HAL: variants seen among roughly 807,000 people sequenced by gnomAD.
HAL encodes the protein histidine ammonia-lyase, also known as histidase.
In HAL, 85 loss-of-function variants were observed where a neutral mutation model predicts 81.1. The observed-to-expected ratio is 1.05, with a 90% confidence interval of 0.88 to 1.25. The LOEUF (loss-of-function observed/expected upper bound fraction) is 1.25, where lower values mean the gene tolerates loss of function less well. Among genes scored for constraint, HAL ranks in the 50% most tolerant of loss-of-function variants. The pLI is 0.00. For missense variants in HAL, 798 were observed against 836.6 expected (o/e 0.95, Z 0.57); for synonymous variants, 301 against 309.2 (o/e 0.97, Z 0.28).
chr12:95,980,493 G>A, intron 17 of HAL, 63 bp downstream of exon 17: 1 of 1,480,724 alleles, frequency 6.8e-7, no homozygotes, highest in South Asian at 1.1e-5. Flanking sequence ...GATACTTCTA[G>A]GTGAAATGGA....
intron 20 of HAL, among the ~76,000 whole-genome samples, chr12:95,975,347 CTTT>C (rs35532808): frequency 7.0e-6 from 1 of 141,988 alleles, no homozygotes; most frequent in Non-Finnish European, 1.5e-5. Context: ...CCTCTTTTTT[CTTT>C]TTTTTTTTTT....
intron 17 of HAL, among the ~76,000 whole-genome samples, chr12:95,978,958 G>A (rs919860440): frequency 1.8e-4 from 27 of 152,174 alleles, no homozygotes; most frequent in African/African-American, 6.5e-4. Flanking sequence ...GGTCATGTTG[G>A]TTGGCCAAGG....
At chr12:95,985,418 A>AC (rs1164842395) in intron 14 of HAL, among the ~76,000 whole-genome samples, 8 of 152,018 alleles carry the variant, frequency 5.3e-5, no homozygotes, top group African/African-American at 1.5e-4. Flanking sequence ...ACATGGTGAG[A>AC]CCCCATCTCT....
chr12:95,984,524 G>C (rs7136523), intron 14 of HAL, among the ~76,000 whole-genome samples: 3,604 of 152,298 alleles, frequency 0.024, 133 homozygotes, highest in African/African-American at 0.081. Flanking sequence ...AGGCAGCTAC[G>C]CTGTACAAAC....
At position 95,993,989 on chromosome 12, in the gene HAL, T is replaced by C. The variant is rs200116994; in HGVS notation, c.421A>G (p.Thr141Ala). 23 of 1,611,672 alleles carry C rather than the reference T, an allele frequency of 1.4e-5. No individual in the cohort carries two copies. The East Asian group carries it at 3.8e-4, about 27-fold the overall frequency. Residue 141 changes from threonine to alanine, a missense_variant, in exon 6 of 21, where the codon ACA becomes GCA. Transcript: ENST00000261208. ...KGRYKIKLTP[T>A]AEKRVQKSRE... ...GATTTCTGCACCCTCTTCTCAGCTGTTGGGGTGAGCTAGGAAAATGTTGAT... is the reference window on the plus strand; with the variant it reads ...GATTTCTGCACCCTCTTCTCAGCTGCTGGGGTGAGCTAGGAAAATGTTGAT...
At chr12:95,982,281 T>C (rs368937533) in intron 15 of HAL, among the ~76,000 whole-genome samples, 3 of 152,356 alleles carry the variant, frequency 2.0e-5, no homozygotes, top group East Asian at 3.9e-4. Context: ...TATTAGCCTA[T>C]TGGAAATTTA....
intron 10 of HAL, among the ~76,000 whole-genome samples, chr12:95,988,447 A>G (rs1949923787): frequency 6.6e-6 from 1 of 152,114 alleles, no homozygotes; most frequent in Non-Finnish European, 1.5e-5. Context: ...CTTTCAATTA[A>G]TTTTTGTACT....
At chr12:95,994,688 C>A in intron 4 of HAL, 110 bp downstream of exon 4, 1 of 1,106,066 alleles carries the variant, frequency 9.0e-7, no homozygotes, top group East Asian at 2.3e-5. Flanking sequence ...CTGCTCCCGG[C>A]CAGCCCTGTT....
chr12:95,993,388 C>T (rs1949995118), intron 8 of HAL, 63 bp downstream of exon 8: 1 of 1,009,814 alleles, frequency 9.9e-7, no homozygotes, highest in South Asian at 1.3e-5. Flanking sequence ...ATAACTCACA[C>T]TGTGCTGTGC....
intron 8 of HAL, 62 bp from the exon 9 acceptor site, chr12:95,992,867 T>TTCCCTCCC: frequency 7.8e-7 from 1 of 1,274,990 alleles, no homozygotes; most frequent in Non-Finnish European, 1.1e-6. Context: ...TCCTGACAAT[T>TTCCCTCCC]GCCCTCCCTC....
intron 15 of HAL, 154 bp downstream of exon 15, chr12:95,983,757 A>T: frequency 3.0e-6 from 2 of 664,172 alleles, no homozygotes; most frequent in East Asian, 5.4e-5. Context: ...ACCTGGAGAA[A>T]GTCAGTTAAC....
At position 95,996,107 on chromosome 12, in the gene HAL, C is replaced by A. The variant is rs1950033319; in HGVS notation, c.-111G>T. 3.2e-6 allele frequency: 2 copies of A among 618,898 alleles called. No homozygotes were observed. The highest frequency in any genetic ancestry group is 2.3e-5 in the Admixed American group (1 of 42,618). The allele number at this position is 618,898 out of a possible 1,614,324, so 38.3% of individuals were successfully genotyped here. Reference sequence around the variant, plus strand: ...TGTCCCTTTGGTTTTTGTAGCCGAGCAGGGGCAGGAGCAGGGGATGCAGAC... The same window carrying A: ...TGTCCCTTTGGTTTTTGTAGCCGAGAAGGGGCAGGAGCAGGGGATGCAGAC... On this transcript the variant is annotated 5_prime_UTR_variant, in exon 1 of 21. Transcript: ENST00000261208.
At chr12:95,980,429 C>G in intron 17 of HAL, 127 bp downstream of exon 17, 1 of 866,800 alleles carries the variant, frequency 1.2e-6, no homozygotes, top group Non-Finnish European at 1.9e-6. Flanking sequence ...ACTGAGAGAA[C>G]TAGGATGCAG....
intron 14 of HAL, among the ~76,000 whole-genome samples, chr12:95,985,239 T>C (rs1424330967): frequency 6.6e-6 from 1 of 152,206 alleles, no homozygotes; most frequent in African/African-American, 2.4e-5. Context: ...AGTACAACTC[T>C]ACTAACTGGT....
At chr12:95,983,565 T>C (rs956242010) in intron 15 of HAL, 63 of 363,058 alleles carry the variant, frequency 1.7e-4, no homozygotes, top group Non-Finnish European at 3.1e-5. Context: ...GTGACCCACG[T>C]CTTCACCCTT....
intron 11 of HAL, among the ~76,000 whole-genome samples, chr12:95,987,510 T>C (rs1452889438): frequency 3.3e-5 from 5 of 152,104 alleles, no homozygotes; most frequent in Non-Finnish European, 5.9e-5. Flanking sequence ...AAATCTTTAG[T>C]GCATTAGGTT....
chr12:95,973,865 A>G lies in HAL; in HGVS notation c.*367T>C, dbSNP rs2080683996. ...GTTAACAAAAGTCTAATGTTTTTAG[A>G]AAAAATTGCTATCAATCTGTTTCCA... On this transcript the variant is annotated 3_prime_UTR_variant, in exon 21 of 21. Coordinates refer to ENST00000261208, the MANE Select transcript of HAL (RefSeq NM_002108.4). The G allele has an allele frequency of 5.4e-6, 1 of 185,208 alleles. No individual in the cohort carries two copies. The highest frequency in any genetic ancestry group is 1.1e-5 in the Non-Finnish European group (1 of 89,058). The allele number at this position is 185,208 out of a possible 1,614,324, so 11.5% of individuals were successfully genotyped here.
At chr12:95,990,606 C>T (rs760875359) in intron 9 of HAL, 74 bp from the exon 10 acceptor site, 6 of 1,206,610 alleles carry the variant, frequency 5.0e-6, no homozygotes, top group Admixed American at 1.7e-5. Flanking sequence ...AGTGAGTGCC[C>T]CCACTGCCCC....
At chr12:95,987,772 G>A (rs1045326385) in intron 11 of HAL, among the ~76,000 whole-genome samples, 2 of 151,916 alleles carry the variant, frequency 1.3e-5, no homozygotes, top group African/African-American at 4.8e-5. Context: ...GCAGTGGTGC[G>A]ATCATGGCTC....
Sources: allele counts gnomAD v4.1 joint callset (sites outside exome capture counted in the v4.1 genomes callset), GRCh38; gene constraint gnomAD v4.1.1; transcripts MANE v1.5; gene names NCBI Gene and HGNC (gene_info 2026-07-23, HGNC 2026-07-21).